Variants in DUSP16 observed in about 807,000 individuals in gnomAD.
The protein encoded by DUSP16 is dual specificity phosphatase 16.
Under a neutral mutation model 58.3 loss-of-function variants are expected in DUSP16, and 21 were observed. The ratio of observed to expected loss-of-function variants is 0.36; its 90% CI spans 0.26 to 0.52. The LOEUF is 0.52. Ranked by LOEUF, DUSP16 falls within the 20% of genes least tolerant of loss-of-function variation. The pLI is 0.94. For synonymous variants in DUSP16, 320 were observed against 323.8 expected (o/e 0.99, Z 0.12); for missense variants, 726 against 819.0 (o/e 0.89, Z 1.39).
At chr12:12,533,259 G>C (rs1944417277) in intron 1 of DUSP16, among the ~76,000 whole-genome samples, 1 of 152,140 alleles carries the variant, frequency 6.6e-6, no homozygotes, top group African/African-American at 2.4e-5. Context: ...AATTTATAAA[G>C]TTTCCAAAAT....
At chr12:12,520,846 A>C (rs748146645) in intron 2 of DUSP16, 25 bp downstream of exon 2, 2 of 1,610,446 alleles carry the variant, frequency 1.2e-6, no homozygotes, top group East Asian at 4.5e-5. Flanking sequence ...ATTTATTTTG[A>C]AAAGGCAAAA....
intron 3 of DUSP16, among the ~76,000 whole-genome samples, chr12:12,507,314 G>T (rs1362497990): frequency 6.6e-6 from 1 of 152,166 alleles, no homozygotes; most frequent in East Asian, 1.9e-4. Context: ...GTTTCCTGCA[G>T]GGAGAGACAG....
At chr12:12,494,480 T>C (rs1351514685) in intron 4 of DUSP16, among the ~76,000 whole-genome samples, 1 of 152,132 alleles carries the variant, frequency 6.6e-6, no homozygotes, top group Non-Finnish European at 1.5e-5. Flanking sequence ...ATAATGATGA[T>C]ACAAAGAGGT....
chr12:12,523,241 T>G (rs1388782407), intron 1 of DUSP16, among the ~76,000 whole-genome samples: 1 of 152,198 alleles, frequency 6.6e-6, no homozygotes, highest in Non-Finnish European at 1.5e-5. Flanking sequence ...CTCTTCAAAT[T>G]TGGTCTGAGA....
At chr12:12,487,706 C>G (rs1277142718) in intron 4 of DUSP16, among the ~76,000 whole-genome samples, 1 of 152,194 alleles carries the variant, frequency 6.6e-6, no homozygotes, top group Non-Finnish European at 1.5e-5. Context: ...GTATCTCCAA[C>G]TACCTACTGA....
Position 12,477,115 on chromosome 12 carries a change from G to C in DUSP16, c.1716C>G (p.Ile572Met), listed in dbSNP as rs1157465995. The C allele has an allele frequency of 1.2e-6, 2 of 1,614,266 alleles. No homozygotes were observed. The highest frequency in any genetic ancestry group is 1.6e-4 in the Middle Eastern group (1 of 6,062). Residue 572 changes from isoleucine (I) to methionine (M), a missense_variant, in exon 7 of 7, where the codon ATC becomes ATG. Physicochemically the swap from Ile to Met is conservative, Grantham distance 10. Coordinates refer to ENST00000298573, the MANE Select transcript of DUSP16 (RefSeq NM_030640.3). This position sits in a 1 kb window ranked among gnomAD's most constrained non-coding sequence, Gnocchi z 4.1. Reference protein sequence around the residue: ...ESSHFYSASAIYGGSASYSAY... With the variant: ...ESSHFYSASAMYGGSASYSAY... Reference sequence around the variant, plus strand: ...CAGAGTAACTGGCACTGCCTCCGTAGATGGCTGAGGCAGAGTAGAAGTGTG... The same window carrying C: ...CAGAGTAACTGGCACTGCCTCCGTACATGGCTGAGGCAGAGTAGAAGTGTG...
chr12:12,535,890 C>A (rs1188708142), intron 1 of DUSP16, among the ~76,000 whole-genome samples: 1 of 152,168 alleles, frequency 6.6e-6, no homozygotes, highest in East Asian at 1.9e-4. Context: ...TGTATGCAGG[C>A]TTTCCTGGCT....
At chr12:12,556,370 C>A (rs1168778482) in intron 1 of DUSP16, among the ~76,000 whole-genome samples, 3 of 151,972 alleles carry the variant, frequency 2.0e-5, no homozygotes, top group Non-Finnish European at 4.4e-5. Context: ...CCAGCCTGGG[C>A]AACAAAGTGA....
At chr12:12,547,426 AAAACAAACAAAAC>A (rs1944658416) in intron 1 of DUSP16, among the ~76,000 whole-genome samples, 1 of 142,700 alleles carries the variant, frequency 7.0e-6, no homozygotes, top group Admixed American at 6.9e-5. Context: ...ACTTGGTCTC[AAAACAAACAAAAC>A]AAACAAACAA....
At chr12:12,546,315 G>A (rs1025249813) in intron 1 of DUSP16, among the ~76,000 whole-genome samples, 1 of 152,150 alleles carries the variant, frequency 6.6e-6, no homozygotes, top group Non-Finnish European at 1.5e-5. Flanking sequence ...TGCTCAGAGG[G>A]ATGGATGGTG....
intron 1 of DUSP16, among the ~76,000 whole-genome samples, chr12:12,550,235 T>C (rs897884884): frequency 3.3e-5 from 5 of 150,578 alleles, no homozygotes; most frequent in Non-Finnish European, 7.4e-5. Flanking sequence ...ACGGCGCCAT[T>C]GCCCTCCAGC....
In DUSP16 at chr12:12,547,477, T is replaced by G. The variant is rs199742494; in HGVS notation, c.-366+14640A>C. On this transcript the variant is annotated intron_variant, in intron 1 of 6. Transcript: ENST00000298573. Reference sequence around the variant, plus strand: ...AAAAGCAAAAAAAAAAAAAAGAAAATACATTGTCCAATGAACTTTTCACCT... The same window carrying G: ...AAAAGCAAAAAAAAAAAAAAGAAAAGACATTGTCCAATGAACTTTTCACCT... Among the ~76,000 whole-genome samples, 8 of 59,806 alleles carry G rather than the reference T, an allele frequency of 1.3e-4. No homozygotes were observed. In the East Asian group the frequency reaches 4.4e-3, roughly 33 times the overall value. 39.2% of individuals were successfully genotyped at this position (59,806 alleles called of 152,430 possible).
chr12:12,521,316 G>A lies in DUSP16; in HGVS notation c.-218C>T, dbSNP rs527444761. ...TTGATGTGCTCTTGCAAAGGACTCC[G>A]TCCACAAAGCAGCCCCTCACATTTG... On this transcript the variant is annotated 5_prime_UTR_variant, in exon 2 of 7. In the 5' UTR this introduces an upstream ATG that the reference lacks. Transcript: ENST00000298573. The A allele has an allele frequency of 6.2e-5, 88 of 1,413,866 alleles. 1 individual carries two copies. In the Admixed American group the frequency reaches 1.9e-3, roughly 30 times the overall value. 87.6% of individuals were successfully genotyped at this position (1,413,866 alleles called of 1,614,324 possible). A position where few individuals can be genotyped will look rare whatever the true frequency, so the allele number is the denominator to read the frequency against.
At chr12:12,551,079 AT>A (rs200700051) in intron 1 of DUSP16, among the ~76,000 whole-genome samples, 9,885 of 149,856 alleles carry the variant, frequency 0.066, 469 homozygotes, top group East Asian at 0.21. Flanking sequence ...CATTTATACA[AT>A]TTTTTTTTTT....
intron 1 of DUSP16, among the ~76,000 whole-genome samples, chr12:12,531,430 T>C (rs1355162263): frequency 6.6e-6 from 1 of 152,234 alleles, no homozygotes; most frequent in Non-Finnish European, 1.5e-5. Flanking sequence ...TGGCTGGGCA[T>C]GGTGACTCAT....
chr12:12,561,318 T>G (rs1288436596), intron 1 of DUSP16, among the ~76,000 whole-genome samples: 1 of 152,256 alleles, frequency 6.6e-6, no homozygotes, highest in Non-Finnish European at 1.5e-5. Context: ...TGATGTTTCC[T>G]AAACTTCTTT....
At chr12:12,515,942 ATTTTTATATTTTTAG>A in intron 3 of DUSP16, among the ~76,000 whole-genome samples, 1 of 149,820 alleles carries the variant, frequency 6.7e-6, no homozygotes, top group African/African-American at 2.5e-5. Context: ...TGCCCGGCTA[ATTTTTATATTTTTAG>A]TAGAGATGGG....
chr12:12,506,435 T>C (rs547674195), intron 3 of DUSP16, among the ~76,000 whole-genome samples: 2 of 152,360 alleles, frequency 1.3e-5, no homozygotes, highest in South Asian at 4.1e-4. Flanking sequence ...CGCTATTTAC[T>C]GTGAAAAGCA....
intron 4 of DUSP16, among the ~76,000 whole-genome samples, chr12:12,493,444 T>G (rs533140912): frequency 6.6e-6 from 1 of 152,308 alleles, no homozygotes; most frequent in African/African-American, 2.4e-5. Flanking sequence ...GAAGCTAAAG[T>G]GATCCTAACA....
Sources: gnomAD v4.1 joint callset for allele counts (sites outside exome capture counted in the v4.1 genomes callset) on GRCh38, gnomAD v4.1.1 for gene constraint, Gnocchi (gnomAD v3.1) non-coding constraint, MANE v1.5 for transcripts, NCBI Gene and HGNC (gene_info 2026-07-23, HGNC 2026-07-21) for gene names.